Variants in NCOA3 observed in about 807,000 individuals in gnomAD.
NCOA3 encodes the protein CBP-interacting protein.
NCOA3 carries 51 observed loss-of-function variants against 158.8 expected under a neutral mutation model. The ratio of observed to expected loss-of-function variants is 0.32; its 90% CI spans 0.26 to 0.41. The LOEUF (loss-of-function observed/expected upper bound fraction) is 0.41, where lower values mean the gene tolerates loss of function less well. Among genes scored for constraint, NCOA3 ranks in the 10% least tolerant of loss-of-function variants. The pLI is 1.00. For synonymous variants in NCOA3, 537 were observed against 592.4 expected (o/e 0.91, Z 1.36); for missense variants, 1,510 against 1,746.6 (o/e 0.86, Z 2.41).
intron 17 of NCOA3, among the ~76,000 whole-genome samples, chr20:47,646,129 G>A (rs1190830513): frequency 6.6e-6 from 1 of 152,138 alleles, no homozygotes; most frequent in African/African-American, 2.4e-5. Flanking sequence ...TCTAGTATTT[G>A]CATATAGCCT....
chr20:47,587,336 T>A (rs919663346), intron 2 of NCOA3, among the ~76,000 whole-genome samples: 1 of 152,212 alleles, frequency 6.6e-6, no homozygotes, highest in Non-Finnish European at 1.5e-5. Context: ...GAGACCAAGA[T>A]CTCTCTGAGT....
chr20:47,647,363 G>C lies in NCOA3; in HGVS notation c.3543G>C (p.Gln1181His), dbSNP rs774176307. ...RMQLQQRLQG[Q>H]QFLNQSRQAL... ...AGCTTCAGCAGAGGCTGCAGGGCCA[G>C]CAGGTAACCAGTCATGTGTTCTTCC... Residue 1181 changes from glutamine (Q) to histidine (H), a missense_variant, in exon 18 of 23, where the codon CAG (glutamine) becomes CAC (histidine). Gln to His is a conservative substitution (Grantham distance 24). This residue lies in a region of NCOA3 where 1,017 missense variants were observed against 1,098.3 expected (regional missense o/e 0.93). Transcript: ENST00000371998. The C allele has an allele frequency of 3.1e-6, 5 of 1,613,344 alleles. No individual in the cohort carries two copies. The African/African-American group carries it at 6.7e-5, about 22-fold the overall frequency.
intron 1 of NCOA3, among the ~76,000 whole-genome samples, chr20:47,505,927 C>T (rs902410869): frequency 6.6e-6 from 1 of 151,590 alleles, no homozygotes; most frequent in Admixed American, 6.6e-5. Context: ...TCAGCCCCTG[C>T]CCGAGTAGCT....
chr20:47,514,567 A>G (rs1236649146), intron 1 of NCOA3, among the ~76,000 whole-genome samples: 1 of 150,358 alleles, frequency 6.7e-6, no homozygotes, highest in Non-Finnish European at 1.5e-5. Context: ...TTTTTTTTGT[A>G]TTTTTGGTAG....
intron 1 of NCOA3, among the ~76,000 whole-genome samples, chr20:47,511,127 A>G (rs1247144531): frequency 6.6e-6 from 1 of 152,144 alleles, no homozygotes; most frequent in Non-Finnish European, 1.5e-5. Flanking sequence ...GCAATCAGTG[A>G]TAAGTCGGTT....
In NCOA3 at chr20:47,655,324, C is replaced by A. The variant is rs1285551742; in HGVS notation, c.*1907C>A. 1 of 152,160 alleles carries A rather than the reference C, an allele frequency of 6.6e-6. No individual in the cohort carries two copies. Among genetic ancestry groups the A allele is most frequent in the Non-Finnish European group, 1.5e-5 (1 of 68,032 alleles). The allele number at this position is 152,160 out of a possible 1,614,324, so 9.4% of individuals were successfully genotyped here. On this transcript the variant is annotated 3_prime_UTR_variant, in exon 23 of 23. Transcript: ENST00000371998. ...CTGAATGTCTGTGAATTTCAGAGGTCTCTGCTAGCCTTGGTATCATTTTCT... is the reference window on the plus strand; with the variant it reads ...CTGAATGTCTGTGAATTTCAGAGGTATCTGCTAGCCTTGGTATCATTTTCT...
In NCOA3 at chr20:47,652,991, C is replaced by T. The variant is rs1262504845; in HGVS notation, c.4182C>T (p.His1394=). The T allele has an allele frequency of 1.2e-6, 2 of 1,614,172 alleles. No homozygotes were observed. The highest frequency in any genetic ancestry group is 8.5e-7 in the Non-Finnish European group (1 of 1,180,004). Residue 1394 remains histidine (H), a synonymous_variant, in exon 22 of 23, where the codon CAC becomes CAT. Transcript: ENST00000371998. ...QGNPAVYSMV[H]MNGSSGHMGQ... ...ATCCTGCAGTGTATAGTATGGTGCA[C>T]ATGAATGGCAGCAGTGGTCACATGG...
intron 2 of NCOA3, among the ~76,000 whole-genome samples, chr20:47,583,631 A>G (rs1176643377): frequency 1.3e-5 from 2 of 152,244 alleles, no homozygotes; most frequent in Non-Finnish European, 2.9e-5. Context: ...TATTCTTACA[A>G]TAAAGTAAGC....
intron 1 of NCOA3, among the ~76,000 whole-genome samples, chr20:47,575,546 A>G (rs1229616345): frequency 6.6e-6 from 1 of 152,180 alleles, no homozygotes; most frequent in African/African-American, 2.4e-5. Flanking sequence ...TAAACACTGA[A>G]GTTATTTTGG....
chr20:47,540,712 A>C lies in NCOA3; in HGVS notation c.-99+38693A>C, dbSNP rs569694527. 6.6e-5 allele frequency among the ~76,000 whole-genome samples: 10 copies of C among 152,326 alleles called. No individual in the cohort carries two copies. The South Asian group carries it at 1.9e-3, about 28-fold the overall frequency. On this transcript the variant is annotated intron_variant, in intron 1 of 22. Coordinates refer to ENST00000371998, the MANE Select transcript of NCOA3 (RefSeq NM_181659.3). ...TAGTCTGTTTGGGGAGATGAGAACT[A>C]AACATGAAAGATAACTAGAGAAGAT...
chr20:47,523,195 CAAAA>C (rs953132068), intron 1 of NCOA3, among the ~76,000 whole-genome samples: 1 of 152,124 alleles, frequency 6.6e-6, no homozygotes, highest in Non-Finnish European at 1.5e-5. Context: ...CAAAACAAAA[CAAAA>C]AACCACGAAA....
chr20:47,601,540 C>T (rs1442771248), intron 2 of NCOA3, among the ~76,000 whole-genome samples: 1 of 152,080 alleles, frequency 6.6e-6, no homozygotes, highest in Non-Finnish European at 1.5e-5. Context: ...AATATCAGCT[C>T]AATAATCTAA....
At chr20:47,548,722 G>T (rs1316813744) in intron 1 of NCOA3, among the ~76,000 whole-genome samples, 3 of 152,090 alleles carry the variant, frequency 2.0e-5, no homozygotes, top group African/African-American at 7.2e-5. Context: ...TTCTGTTTCA[G>T]CAAATCAGTA....
At chr20:47,611,182 A>G (rs1284180494) in intron 2 of NCOA3, among the ~76,000 whole-genome samples, 1 of 152,196 alleles carries the variant, frequency 6.6e-6, no homozygotes, top group Non-Finnish European at 1.5e-5. Flanking sequence ...AATGGGGCAT[A>G]TGCTGTGATC....
intron 1 of NCOA3, among the ~76,000 whole-genome samples, chr20:47,506,166 C>G (rs780157425): frequency 3.3e-5 from 5 of 152,050 alleles, no homozygotes; most frequent in Non-Finnish European, 7.4e-5. Flanking sequence ...ATAAACACTT[C>G]AGAATTAAGG....
chr20:47,517,703 G>A (rs565452656), intron 1 of NCOA3, among the ~76,000 whole-genome samples: 3 of 151,844 alleles, frequency 2.0e-5, no homozygotes, highest in South Asian at 4.2e-4. Flanking sequence ...TGCCTGCCTC[G>A]GCCTCCCAAA....
chr20:47,567,942 T>C (rs1400842424), intron 1 of NCOA3, among the ~76,000 whole-genome samples: 1 of 152,090 alleles, frequency 6.6e-6, no homozygotes, highest in Non-Finnish European at 1.5e-5. Flanking sequence ...ACTCCTGTCC[T>C]CAAGTGTTCC....
chr20:47,572,808 A>G (rs2085314784), intron 1 of NCOA3, among the ~76,000 whole-genome samples: 1 of 152,158 alleles, frequency 6.6e-6, no homozygotes, highest in Non-Finnish European at 1.5e-5. Flanking sequence ...AAGTGCTGGA[A>G]TTACAGGGGT....
intron 2 of NCOA3, among the ~76,000 whole-genome samples, chr20:47,598,445 C>A (rs1364821943): frequency 6.6e-6 from 1 of 151,970 alleles, no homozygotes; most frequent in East Asian, 1.9e-4. Context: ...ACGCGGTTCT[C>A]CTGCCTCAGC....
Sources: allele counts gnomAD v4.1 joint callset (sites outside exome capture counted in the v4.1 genomes callset), GRCh38; gene constraint gnomAD v4.1.1; regional missense constraint gnomAD v4.1.1; transcripts MANE v1.5; gene names NCBI Gene and HGNC (gene_info 2026-07-23, HGNC 2026-07-21).